SLC15A2: variants seen among roughly 807,000 people sequenced by gnomAD.
The protein encoded by SLC15A2 is solute carrier family 15 member 2, also known as kidney H(+)/peptide cotransporter.
SLC15A2 carries 77 observed loss-of-function variants against 95.5 expected under a neutral mutation model. The observed-to-expected ratio is 0.81, with a 90% CI of 0.67 to 0.97. The LOEUF is 0.97. Ranked by LOEUF, SLC15A2 falls within the 50% of genes least tolerant of loss-of-function variation. The probability of loss-of-function intolerance (pLI) is 0.00; values close to 1 mark genes in which losing one functional copy is unlikely to be tolerated. For synonymous variants in SLC15A2, 306 were observed against 306.9 expected (o/e 1.00, Z 0.03); for missense variants, 893 against 874.4 (o/e 1.02, Z -0.27).
At chr3:121,936,314 T>C (rs1486857541) in intron 19 of SLC15A2, among the ~76,000 whole-genome samples, 1 of 152,192 alleles carries the variant, frequency 6.6e-6, no homozygotes, top group East Asian at 1.9e-4. Flanking sequence ...AATTCCTGGG[T>C]GTCCTTGTTG....
In SLC15A2 at chr3:121,924,333, T is replaced by G; in HGVS notation, c.1003-18T>G. ...TTTCTTCAGACATCAACTAAATTAATTTGTTAAAATGTTTCAGGGGTTTTT... is the reference window on the plus strand; with the variant it reads ...TTTCTTCAGACATCAACTAAATTAAGTTGTTAAAATGTTTCAGGGGTTTTT... On this transcript the variant is annotated intron_variant, in intron 11 of 21. Coordinates refer to ENST00000489711, the MANE Select transcript of SLC15A2 (RefSeq NM_021082.4). 1 of 1,609,852 alleles carries G rather than the reference T, an allele frequency of 6.2e-7. No individual in the cohort carries two copies. Among genetic ancestry groups the G allele is most frequent in the South Asian group, 1.1e-5 (1 of 90,838 alleles).
At chr3:121,937,688 A>C (rs1710375291) in intron 19 of SLC15A2, among the ~76,000 whole-genome samples, 1 of 152,104 alleles carries the variant, frequency 6.6e-6, no homozygotes, top group Admixed American at 6.5e-5. Context: ...CAAAGTTTTC[A>C]ATTTCTTTGC....
At chr3:121,922,330 T>G (rs186085225) in intron 8 of SLC15A2, 28 bp downstream of exon 8, 2 of 1,584,272 alleles carry the variant, frequency 1.3e-6, no homozygotes, top group East Asian at 2.2e-5. Flanking sequence ...TTTCTTGCCT[T>G]TTTCAATCAA....
At chr3:121,928,061 A>G (rs1291742152) in intron 14 of SLC15A2, among the ~76,000 whole-genome samples, 4 of 152,220 alleles carry the variant, frequency 2.6e-5, no homozygotes, top group Non-Finnish European at 5.9e-5. Context: ...TTTTCAGGGA[A>G]TTCTCAAACA....
In SLC15A2 at chr3:121,940,411, C is replaced by T. The variant is rs867840959; in HGVS notation, c.1936C>T (p.Gln646Ter). Reference protein sequence around the residue: ...QAPSSMKSVLQAAWLLTIAVG... With the variant: ...QAPSSMKSVL ...TCCCTCTAGCATGAAATCTGTGCTC[C>T]AGGCAGCTTGGCTATTGACAATTGC... Residue 646 changes from glutamine (Q) to a stop codon, truncating the protein, a stop_gained, in exon 21 of 22, where the codon CAG (glutamine) becomes TAG (stop). Transcript: ENST00000489711. LOFTEE classifies it high-confidence loss of function. 6 of 1,613,894 alleles carry T rather than the reference C, an allele frequency of 3.7e-6. No individual in the cohort carries two copies. The highest frequency in any genetic ancestry group is 5.1e-6 in the Non-Finnish European group (6 of 1,179,966).
chr3:121,897,327 G>T, intron 2 of SLC15A2, 61 bp from the exon 3 acceptor site: 1 of 1,574,932 alleles, frequency 6.3e-7, no homozygotes, highest in South Asian at 1.2e-5. Flanking sequence ...TTTTCCATAA[G>T]TCACTTTAAT....
At chr3:121,928,166 C>T (rs1194300650) in intron 14 of SLC15A2, 1 of 549,334 alleles carries the variant, frequency 1.8e-6, no homozygotes. Context: ...ATTGAATAGC[C>T]ACTATTACGG....
At chr3:121,922,181 A>C in intron 7 of SLC15A2, 39 bp from the exon 8 acceptor site, 1 of 1,554,306 alleles carries the variant, frequency 6.4e-7, no homozygotes, top group Non-Finnish European at 8.9e-7. Flanking sequence ...CAACCTAATA[A>C]ATGAGAAGCT....
In SLC15A2 at chr3:121,924,345, T is replaced by C. The variant is rs1576684608; in HGVS notation, c.1003-6T>C. ...TCAACTAAATTAATTTGTTAAAATG[T>C]TTCAGGGGTTTTTTGTGCTTCAGCC... On this transcript the variant is annotated splice_region_variant and splice_polypyrimidine_tract_variant and intron_variant, in intron 11 of 21. Coordinates refer to ENST00000489711, the MANE Select transcript of SLC15A2 (RefSeq NM_021082.4). 3 of 1,612,832 alleles carry C rather than the reference T, an allele frequency of 1.9e-6. No individual in the cohort carries two copies. The East Asian group carries it at 6.7e-5, about 36-fold the overall frequency.
Position 121,894,468 on chromosome 3 carries a change from GA to G in SLC15A2, c.-8del. The G allele has an allele frequency of 1.2e-6, 2 of 1,609,802 alleles. No individual in the cohort carries two copies. The highest frequency in any genetic ancestry group is 1.7e-6 in the Non-Finnish European group (2 of 1,177,144). The stretch of plus-strand genomic sequence containing the variant: ...TGCTTGAGGAGAGAGAGAGAGTAAG[GA>G]GCCAGCCATGAATCCTTTCCAGAAA... On this transcript the variant is annotated 5_prime_UTR_variant, in exon 1 of 22. Transcript: ENST00000489711.
intron 4 of SLC15A2, among the ~76,000 whole-genome samples, chr3:121,912,013 C>A (rs1709777699): frequency 6.6e-6 from 1 of 152,162 alleles, no homozygotes; most frequent in Non-Finnish European, 1.5e-5. Flanking sequence ...TTGTAGAAGT[C>A]ATACTCAAAG....
Position 121,927,651 on chromosome 3 carries a change from C to A in SLC15A2, c.1125-107C>A, listed in dbSNP as rs1187491259. The A allele has an allele frequency of 2.1e-5, 16 of 748,952 alleles. 1 individual carries two copies. Among genetic ancestry groups the A allele is most frequent in the South Asian group, 5.1e-5 (3 of 58,658 alleles). 46.4% of individuals were successfully genotyped at this position (748,952 alleles called of 1,614,324 possible). On this transcript the variant is annotated intron_variant, in intron 13 of 21. Coordinates refer to ENST00000489711, the MANE Select transcript of SLC15A2 (RefSeq NM_021082.4). ...CCCAGTCTCAGGTATTTCTTTACAG[C>A]AATGCAAGAACAGTCTAATGCAGTC...
Position 121,928,567 on chromosome 3 carries a change from AC to A in SLC15A2, c.1341+14del. 1 of 1,611,952 alleles carries A rather than the reference AC, an allele frequency of 6.2e-7. No individual in the cohort carries two copies. Among genetic ancestry groups the A allele is most frequent in the East Asian group, 2.2e-5 (1 of 44,850 alleles). ...TCAAATCCTTTCAGGTGAGGTGTGT[AC>A]CTGAATGAATTAGAAACTCTGTATG... On this transcript the variant is annotated intron_variant, in intron 15 of 21. Coordinates refer to ENST00000489711, the MANE Select transcript of SLC15A2 (RefSeq NM_021082.4).
chr3:121,919,126 G>A (rs780584666), intron 7 of SLC15A2, among the ~76,000 whole-genome samples: 8 of 152,216 alleles, frequency 5.3e-5, no homozygotes, highest in Non-Finnish European at 1.2e-4. Flanking sequence ...CCCAAGGTCT[G>A]AGCCCCCAGA....
chr3:121,941,116 C>T lies in SLC15A2; in HGVS notation c.*109C>T. ...ATAGCAGCATATCAGAGCTGATCTCCTCCACCTTTCTCCAATGACAGAAGT... is the reference window on the plus strand; with the variant it reads ...ATAGCAGCATATCAGAGCTGATCTCTTCCACCTTTCTCCAATGACAGAAGT... On this transcript the variant is annotated 3_prime_UTR_variant, in exon 22 of 22. Coordinates refer to ENST00000489711, the MANE Select transcript of SLC15A2 (RefSeq NM_021082.4). The T allele has an allele frequency of 1.1e-6, 1 of 919,474 alleles. No individual in the cohort carries two copies. The highest frequency in any genetic ancestry group is 1.6e-6 in the Non-Finnish European group (1 of 625,286). The allele number at this position is 919,474 out of a possible 1,614,324, so 57.0% of individuals were successfully genotyped here.
chr3:121,940,408 C>A lies in SLC15A2; in HGVS notation c.1933C>A (p.Leu645Ile). Residue 645 changes from leucine (L) to isoleucine (I), a missense_variant, in exon 21 of 22, where the codon CTC (leucine) becomes ATC (isoleucine). Transcript: ENST00000489711. ...SQAPSSMKSV[L>I]QAAWLLTIAV... Reference sequence around the variant, plus strand: ...GGCTCCCTCTAGCATGAAATCTGTGCTCCAGGCAGCTTGGCTATTGACAAT... The same window carrying A: ...GGCTCCCTCTAGCATGAAATCTGTGATCCAGGCAGCTTGGCTATTGACAAT... The A allele has an allele frequency of 6.2e-7, 1 of 1,614,058 alleles. No individual in the cohort carries two copies. Among genetic ancestry groups the A allele is most frequent in the South Asian group, 1.1e-5 (1 of 91,076 alleles).
intron 19 of SLC15A2, among the ~76,000 whole-genome samples, chr3:121,938,219 T>C (rs987722113): frequency 1.3e-5 from 2 of 152,104 alleles, no homozygotes; most frequent in Non-Finnish European, 2.9e-5. Flanking sequence ...TGTCTTTTTG[T>C]TTGTCTGTGC....
rs567944390 is a variant in SLC15A2 at position 121,925,811 on chromosome 3, G to C, written c.1124+778G>C. On this transcript the variant is annotated intron_variant, in intron 13 of 21. Coordinates refer to ENST00000489711, the MANE Select transcript of SLC15A2 (RefSeq NM_021082.4). ...TACAACTACTACACAGGTAAAATAA[G>C]TGTCCTAAGAAGGGAAGATCAAGTG... Among the ~76,000 whole-genome samples the C allele has an allele frequency of 3.2e-5, 4 of 123,698 alleles. No homozygotes were observed. The South Asian group carries it at 1.1e-3, about 34-fold the overall frequency. The allele number at this position is 123,698 out of a possible 152,430, so 81.2% of individuals were successfully genotyped here. A position where few individuals can be genotyped will look rare whatever the true frequency, so the allele number is the denominator to read the frequency against.
At chr3:121,908,519 T>C (rs554175843) in intron 3 of SLC15A2, among the ~76,000 whole-genome samples, 4 of 152,234 alleles carry the variant, frequency 2.6e-5, no homozygotes, top group East Asian at 1.9e-4. Flanking sequence ...CTTGGAGTTA[T>C]TATGCTTTTG....
Sources: allele counts gnomAD v4.1 joint callset (sites outside exome capture counted in the v4.1 genomes callset), GRCh38; gene constraint gnomAD v4.1.1; transcripts MANE v1.5; gene names NCBI Gene and HGNC (gene_info 2026-07-23, HGNC 2026-07-21).